The following CORO2B variants were observed in gnomAD, a reference collection of about 807,000 sequenced individuals.
CORO2B encodes coronin-2B.
In CORO2B, 26 loss-of-function variants were observed where a neutral mutation model predicts 58.8. The ratio of observed to expected loss-of-function variants is 0.44; its 90% CI spans 0.32 to 0.61. The LOEUF (loss-of-function observed/expected upper bound fraction) is 0.61, where lower values mean the gene tolerates loss of function less well. CORO2B is among the 20% of genes least tolerant of loss of function. The pLI is 0.04. For synonymous variants in CORO2B, 242 were observed against 253.8 expected (o/e 0.95, Z 0.44); for missense variants, 460 against 645.1 (o/e 0.71, Z 3.11).
intron 2 of CORO2B, among the ~76,000 whole-genome samples, chr15:68,675,401 G>T (rs1902547369): frequency 6.6e-6 from 1 of 152,150 alleles, no homozygotes; most frequent in South Asian, 2.1e-4. Context: ...CCTTCCCAGG[G>T]AAAGTAAAGC....
At chr15:68,610,948 A>G (rs907945178) in intron 1 of CORO2B, among the ~76,000 whole-genome samples, 1 of 152,248 alleles carries the variant, frequency 6.6e-6, no homozygotes, top group African/African-American at 2.4e-5. Context: ...AGCCAAGGAA[A>G]GAATCCCAGG....
In CORO2B at chr15:68,710,038, C is replaced by T. The variant is rs888900511; in HGVS notation, c.334-694C>T. The stretch of plus-strand genomic sequence containing the variant: ...CTCAGTCTCTCCCTGTCTGGGGCCA[C>T]GTGGTCTCCTCTCTGCTTCTCTCTG... On this transcript the variant is annotated intron_variant, in intron 3 of 11. Coordinates refer to ENST00000261861, the MANE Select transcript of CORO2B (RefSeq NM_006091.5). This position sits in a 1 kb window ranked among gnomAD's most constrained non-coding sequence, Gnocchi z 4.1. 6.6e-6 allele frequency among the ~76,000 whole-genome samples: 1 copy of T among 152,216 alleles called. No individual in the cohort carries two copies. Among genetic ancestry groups the T allele is most frequent in the Non-Finnish European group, 1.5e-5 (1 of 68,034 alleles).
intron 3 of CORO2B, among the ~76,000 whole-genome samples, chr15:68,705,436 CAAAAAAA>C (rs35973911): frequency 2.7e-5 from 3 of 112,818 alleles, no homozygotes; most frequent in African/African-American, 1.1e-4. Context: ...AACTCTATCT[CAAAAAAA>C]AAAAAAAAAA....
the CORO2B span, among the ~76,000 whole-genome samples, chr15:68,538,242 T>C: frequency 6.6e-6 from 1 of 152,158 alleles, no homozygotes; most frequent in Non-Finnish European, 1.5e-5. Flanking sequence ...ATTCCTGGTG[T>C]GTGTGGAGGA....
At chr15:68,659,682 C>T (rs1901949565) in intron 2 of CORO2B, among the ~76,000 whole-genome samples, 1 of 152,098 alleles carries the variant, frequency 6.6e-6, no homozygotes, top group African/African-American at 2.4e-5. Flanking sequence ...TCCTGTAATC[C>T]CAGCACTTTG....
chr15:68,611,533 T>A (rs1018036945), intron 1 of CORO2B, among the ~76,000 whole-genome samples: 6 of 152,194 alleles, frequency 3.9e-5, no homozygotes, highest in African/African-American at 1.4e-4. Context: ...AAATTTTTTT[T>A]ATCTCTGTTT....
the CORO2B span, chr15:68,559,545 G>T: frequency 3.1e-6 from 3 of 982,372 alleles, no homozygotes; most frequent in Non-Finnish European, 3.6e-6. This position sits in a 1 kb window ranked among gnomAD's most constrained non-coding sequence, Gnocchi z 4.3. Context: ...GAAGTTGACC[G>T]TGCCAAGCCG....
chr15:68,673,155 C>T (rs1902460037), intron 2 of CORO2B, among the ~76,000 whole-genome samples: 1 of 152,094 alleles, frequency 6.6e-6, no homozygotes, highest in African/African-American at 2.4e-5. Flanking sequence ...TGCCCTTCAG[C>T]AGTAACTGAA....
chr15:68,600,163 G>A (rs1899945048), intron 1 of CORO2B, among the ~76,000 whole-genome samples: 8 of 152,196 alleles, frequency 5.3e-5, no homozygotes, highest in Admixed American at 2.0e-4. Flanking sequence ...AAACAAACAA[G>A]CCTCCATCTA....
At chr15:68,545,711 C>T in the CORO2B span, among the ~76,000 whole-genome samples, 1 of 151,852 alleles carries the variant, frequency 6.6e-6, no homozygotes, top group Non-Finnish European at 1.5e-5. Context: ...GGCAGAATCA[C>T]TCCTTGGAAA....
chr15:68,702,821 CTTTTTTTT>C (rs113249272), intron 3 of CORO2B, among the ~76,000 whole-genome samples: 5 of 96,256 alleles, frequency 5.2e-5, no homozygotes, highest in Admixed American at 3.7e-4. Context: ...TTTTCTTTTT[CTTTTTTTT>C]TTTTTTTTTT....
At chr15:68,703,056 G>A (rs770044613) in intron 3 of CORO2B, among the ~76,000 whole-genome samples, 4,004 of 147,098 alleles carry the variant, frequency 0.027, 168 homozygotes, top group African/African-American at 0.093. Flanking sequence ...CGAACTCCTG[G>A]ACTCAAGTGA....
the CORO2B span, among the ~76,000 whole-genome samples, chr15:68,545,328 A>G: frequency 3.9e-5 from 6 of 152,114 alleles, no homozygotes; most frequent in African/African-American, 1.4e-4. Context: ...TGGTGCTATA[A>G]ATGTCAGGTC....
intron 2 of CORO2B, among the ~76,000 whole-genome samples, chr15:68,650,524 A>C (rs1339536141): frequency 6.6e-6 from 1 of 152,130 alleles, no homozygotes; most frequent in Non-Finnish European, 1.5e-5. Flanking sequence ...AGGCCGGAGA[A>C]TCGCTTAAAC....
the CORO2B span, among the ~76,000 whole-genome samples, chr15:68,549,642 C>T: frequency 2.6e-5 from 4 of 152,154 alleles, no homozygotes; most frequent in African/African-American, 9.7e-5. Flanking sequence ...CCAGCTGCTG[C>T]ATAAAATTGC....
intron 1 of CORO2B, among the ~76,000 whole-genome samples, chr15:68,590,580 G>A (rs1023311337): frequency 6.6e-6 from 1 of 152,112 alleles, no homozygotes; most frequent in East Asian, 1.9e-4. Context: ...AGGGTGCTGC[G>A]GGGCCGCTGG....
chr15:68,651,513 CAG>C (rs1901642268), intron 2 of CORO2B, among the ~76,000 whole-genome samples: 2 of 152,202 alleles, frequency 1.3e-5, no homozygotes, highest in South Asian at 4.1e-4. Context: ...AATACAAACA[CAG>C]AAAAGATTTG....
rs1015380158 is a variant in CORO2B at position 68,616,314 on chromosome 15, G to A, written c.16-28846G>A. On this transcript the variant is annotated intron_variant, in intron 1 of 11. Transcript: ENST00000261861. ...GGGTTAAGAATCTTGGGCAGGAAAT[G>A]TATAGCTTTAAAAAGCTCTCTGGTC... Among the ~76,000 whole-genome samples the A allele has an allele frequency of 2.6e-5, 4 of 152,344 alleles. No homozygotes were observed. In the East Asian group the frequency reaches 5.8e-4, roughly 22 times the overall value.
At chr15:68,714,687 C>T (rs534627680) in intron 7 of CORO2B, 24 bp downstream of exon 7, 17 of 1,579,906 alleles carry the variant, frequency 1.1e-5, no homozygotes, top group Middle Eastern at 1.7e-4. Flanking sequence ...GGGGAGGGCC[C>T]GGGGCAGCCT....
Sources: gnomAD v4.1 joint callset for allele counts (sites outside exome capture counted in the v4.1 genomes callset) on GRCh38, gnomAD v4.1.1 for gene constraint, Gnocchi (gnomAD v3.1) non-coding constraint, MANE v1.5 for transcripts, NCBI Gene and HGNC (gene_info 2026-07-23, HGNC 2026-07-21) for gene names.